The following FOXO3B variants were observed in gnomAD, a reference collection of about 807,000 sequenced individuals.
FOXO3B encodes the protein forkhead box protein O3B.
FOXO3B carries 15 observed loss-of-function variants against 21.9 expected under a neutral mutation model. The ratio of observed to expected loss-of-function variants is 0.68; its 90% confidence interval spans 0.46 to 1.05. The LOEUF (loss-of-function observed/expected upper bound fraction) is 1.05, where lower values mean the gene tolerates loss of function less well. Among genes scored for constraint, FOXO3B ranks in the 50% least tolerant of loss-of-function variants. The pLI is 0.00. For missense variants in FOXO3B, 293 were observed against 435.5 expected, an observed-to-expected ratio of 0.67 and a Z score of 2.91; for synonymous variants, 135 against 213.6, an observed-to-expected ratio of 0.63 and a Z score of 3.21.
chr17:18,680,720 A>T, intron 3 of FOXO3B, 21 bp downstream of exon 3: 1 of 1,613,546 alleles, frequency 6.2e-7, no homozygotes, highest in Non-Finnish European at 8.5e-7. Flanking sequence ...TGTAATTCCA[A>T]TAATCAGCAG....
rs942195640 is a variant in FOXO3B, at chr17:18,668,112, C to T, written c.*4197G>A. On this transcript the variant is annotated 3_prime_UTR_variant, in exon 4 of 4. Transcript: ENST00000395675. ...GGGCTAGTCTCTGGGGCCCTGGCCTCTCTGCAGGTGGCTGAGGGTGAGGGT... is the reference window on the plus strand; with the variant it reads ...GGGCTAGTCTCTGGGGCCCTGGCCTTTCTGCAGGTGGCTGAGGGTGAGGGT... 2 of 152,512 alleles carry T rather than the reference C, an allele frequency of 1.3e-5. No individual in the cohort carries two copies. The highest frequency in any genetic ancestry group is 4.8e-5 in the African/African-American group (2 of 41,444). 9.4% of individuals were successfully genotyped at this position (152,512 alleles called of 1,614,324 possible).
At chr17:18,674,515 A>G (rs1180891833) in intron 3 of FOXO3B, among the ~76,000 whole-genome samples, 2 of 150,110 alleles carry the variant, frequency 1.3e-5, no homozygotes, top group Admixed American at 6.7e-5. Flanking sequence ...AGTCCCAGCT[A>G]CTCAGGAGGC....
At chr17:18,679,300 A>G (rs1490697984) in intron 3 of FOXO3B, among the ~76,000 whole-genome samples, 1 of 152,146 alleles carries the variant, frequency 6.6e-6, no homozygotes, top group African/African-American at 2.4e-5. Context: ...ACAGGCAAGT[A>G]CATAAAGGAA....
At chr17:18,677,598 G>C in intron 3 of FOXO3B, 2 of 1,604,866 alleles carry the variant, frequency 1.2e-6, no homozygotes, top group Non-Finnish European at 1.7e-6. Flanking sequence ...AGCCGGGCGG[G>C]CCCTGGCCAG....
chr17:18,670,843 C>T lies in FOXO3B; in HGVS notation c.*1466G>A, dbSNP rs2032350557. On this transcript the variant is annotated 3_prime_UTR_variant, in exon 4 of 4. Transcript: ENST00000395675. ...GAGCAGATTTGGCAAAGGGTTTTCTCTGTAGGTCTTGTGTCAGTTTGAGGG... is the reference window on the plus strand; with the variant it reads ...GAGCAGATTTGGCAAAGGGTTTTCTTTGTAGGTCTTGTGTCAGTTTGAGGG... 2.6e-6 allele frequency: 4 copies of T among 1,547,184 alleles called. No homozygotes were observed. The highest frequency in any genetic ancestry group is 2.4e-5 in the South Asian group (2 of 82,162).
chr17:18,669,211 C>T lies in FOXO3B; in HGVS notation c.*3098G>A, dbSNP rs970859015. ...TATAAAGCCAAGGCGCACAAGGGGGCCCCTGGTGGCCGGTGGTGTGTGCAG... is the reference window on the plus strand; with the variant it reads ...TATAAAGCCAAGGCGCACAAGGGGGTCCCTGGTGGCCGGTGGTGTGTGCAG... On this transcript the variant is annotated 3_prime_UTR_variant, in exon 4 of 4. Transcript: ENST00000395675. 5.7e-4 allele frequency: 80 copies of T among 139,466 alleles called. No individual in the cohort carries two copies. The highest frequency in any genetic ancestry group is 2.2e-3 in the African/African-American group (77 of 35,666). 8.6% of individuals were successfully genotyped at this position (139,466 alleles called of 1,614,324 possible).
At chr17:18,678,034 G>C (rs191459278) in intron 3 of FOXO3B, among the ~76,000 whole-genome samples, 212 of 150,940 alleles carry the variant, frequency 1.4e-3, no homozygotes, top group African/African-American at 4.8e-3. Context: ...CTTTAGCCTA[G>C]AATCTGCATA....
At position 18,672,729 on chromosome 17, in the gene FOXO3B, G is replaced by A. The variant is rs2032396811; in HGVS notation, c.453C>T (p.Asp151=). 2.0e-6 allele frequency: 3 copies of A among 1,532,662 alleles called. No individual in the cohort carries two copies. The highest frequency in any genetic ancestry group is 2.3e-4 in the Middle Eastern group (1 of 4,318). 94.9% of individuals were successfully genotyped at this position (1,532,662 alleles called of 1,614,324 possible). A position where few individuals can be genotyped will look rare whatever the true frequency, so the allele number is the denominator to read the frequency against. ...MIPEEEDDED[D]EDGGGRAGSA... ...AGCCGGCCCGTCCCCCGCCGTCCTC[G>A]TCGTCTTCATCGTCCTCCTCCTCGG... Residue 151 remains aspartate, a synonymous_variant, in exon 4 of 4, where the codon GAC becomes GAT. Transcript: ENST00000395675. This position sits in a 1 kb window ranked among gnomAD's most constrained non-coding sequence, Gnocchi z 4.2.
chr17:18,668,192 G>A lies in FOXO3B; in HGVS notation c.*4117C>T, dbSNP rs2032302492. The stretch of plus-strand genomic sequence containing the variant: ...GATTCTCAGCTGACCCTCTCCAGGG[G>A]CTGGTGGGTCTCGCAGTACTGATGC... On this transcript the variant is annotated 3_prime_UTR_variant, in exon 4 of 4. Transcript: ENST00000395675. 1 of 152,256 alleles carries A rather than the reference G, an allele frequency of 6.6e-6. No homozygotes were observed. The highest frequency in any genetic ancestry group is 2.4e-5 in the African/African-American group (1 of 41,398). The allele number at this position is 152,256 out of a possible 1,614,324, so 9.4% of individuals were successfully genotyped here.
At chr17:18,680,121 G>A (rs998863323) in intron 3 of FOXO3B, among the ~76,000 whole-genome samples, 1 of 152,196 alleles carries the variant, frequency 6.6e-6, no homozygotes, top group Non-Finnish European at 1.5e-5. Context: ...TTACGGGCAT[G>A]AGCCACCACG....
Position 18,671,755 on chromosome 17 carries a change from G to A in FOXO3B, c.*554C>T. 2.5e-6 allele frequency: 4 copies of A among 1,613,582 alleles called. No individual in the cohort carries two copies. Among genetic ancestry groups the A allele is most frequent in the Non-Finnish European group, 3.4e-6 (4 of 1,179,838 alleles). Reference sequence around the variant, plus strand: ...GATGGCGGGAGCGTGATGTTATCCAGCAGGTCGTCCATGAGGTTTTCAGTC... The same window carrying A: ...GATGGCGGGAGCGTGATGTTATCCAACAGGTCGTCCATGAGGTTTTCAGTC... On this transcript the variant is annotated 3_prime_UTR_variant, in exon 4 of 4. Transcript: ENST00000395675.
At chr17:18,680,925 TACAAAC>T (rs1451990087) in intron 2 of FOXO3B, 96 bp from the exon 3 acceptor site, 3 of 1,265,774 alleles carry the variant, frequency 2.4e-6, no homozygotes, top group Non-Finnish European at 3.3e-6. Context: ...ATGTGCTGCC[TACAAAC>T]ACTGAGACTG....
chr17:18,680,742 TG>T lies in FOXO3B; in HGVS notation c.124del (p.Gln42ArgfsTer100). On this transcript the variant is annotated frameshift_variant and splice_region_variant, in exon 3 of 4. Transcript: ENST00000395675. LOFTEE classifies it high-confidence loss of function. ...VAALRLTARS[Q>X]AAAAAAAPGS... The stretch of plus-strand genomic sequence containing the variant: ...CCAATAATCAGCAGACTCACTCACC[TG>T]GGATCTGGCCGTGAGGCGCAGAGCA... 2 of 1,614,020 alleles carry T rather than the reference TG, an allele frequency of 1.2e-6. No homozygotes were observed. The highest frequency in any genetic ancestry group is 1.7e-6 in the Non-Finnish European group (2 of 1,179,958).
chr17:18,676,621 C>G (rs1020944248), intron 3 of FOXO3B, among the ~76,000 whole-genome samples: 3 of 152,090 alleles, frequency 2.0e-5, no homozygotes, highest in African/African-American at 7.2e-5. Context: ...TACACAAACA[C>G]CGAAATGATT....
At position 18,671,722 on chromosome 17, in the gene FOXO3B, A is replaced by T; in HGVS notation, c.*587T>A. Reference sequence around the variant, plus strand: ...CGCTGCATGAGTCCCCCAGTGGGCGATGGCTGGGATGGCGGGAGCGTGATG... The same window carrying T: ...CGCTGCATGAGTCCCCCAGTGGGCGTTGGCTGGGATGGCGGGAGCGTGATG... On this transcript the variant is annotated 3_prime_UTR_variant, in exon 4 of 4. Coordinates refer to ENST00000395675, the MANE Select transcript of FOXO3B (RefSeq NM_001368135.1). The T allele has an allele frequency of 3.7e-6, 6 of 1,613,754 alleles. No individual in the cohort carries two copies. Among genetic ancestry groups the T allele is most frequent in the Non-Finnish European group, 5.1e-6 (6 of 1,179,952 alleles).
rs2032303545 is a variant in FOXO3B at position 18,668,244 on chromosome 17, C to T, written c.*4065G>A. 1 of 152,192 alleles carries T rather than the reference C, an allele frequency of 6.6e-6. No individual in the cohort carries two copies. Among genetic ancestry groups the T allele is most frequent in the Non-Finnish European group, 1.5e-5 (1 of 68,050 alleles). The allele number at this position is 152,192 out of a possible 1,614,324, so 9.4% of individuals were successfully genotyped here. On this transcript the variant is annotated 3_prime_UTR_variant, in exon 4 of 4. Coordinates refer to ENST00000395675, the MANE Select transcript of FOXO3B (RefSeq NM_001368135.1). ...GCACTTGACTTTACCCTGGTCTCAG[C>T]TCTCCACGACACTCTACATGTAGAT...
intron 3 of FOXO3B, among the ~76,000 whole-genome samples, chr17:18,674,483 G>T (rs2032444780): frequency 6.7e-6 from 1 of 150,362 alleles, no homozygotes. Context: ...AAAATTAGCC[G>T]GGTGTGGTGG....
At chr17:18,678,797 A>G (rs575816584) in intron 3 of FOXO3B, among the ~76,000 whole-genome samples, 2 of 152,252 alleles carry the variant, frequency 1.3e-5, no homozygotes, top group South Asian at 4.2e-4. Context: ...TGTGTAGCTC[A>G]GGTAGTACTG....
At position 18,671,085 on chromosome 17, in the gene FOXO3B, TC is replaced by T; in HGVS notation, c.*1223del. 1 of 964,928 alleles carries T rather than the reference TC, an allele frequency of 1.0e-6. No homozygotes were observed. Among genetic ancestry groups the T allele is most frequent in the Non-Finnish European group, 1.6e-6 (1 of 609,854 alleles). The allele number at this position is 964,928 out of a possible 1,614,324, so 59.8% of individuals were successfully genotyped here. A position where few individuals can be genotyped will look rare whatever the true frequency, so the allele number is the denominator to read the frequency against. ...ACATTCCAAGCTCCCATTGAACATGTCCAGGTCCAAGTCGCTGGGGAACTTC... is the reference window on the plus strand; with the variant it reads ...ACATTCCAAGCTCCCATTGAACATGTCAGGTCCAAGTCGCTGGGGAACTTC... On this transcript the variant is annotated 3_prime_UTR_variant, in exon 4 of 4. Coordinates refer to ENST00000395675, the MANE Select transcript of FOXO3B (RefSeq NM_001368135.1).
Sources: allele counts gnomAD v4.1 joint callset (sites outside exome capture counted in the v4.1 genomes callset), GRCh38; gene constraint gnomAD v4.1.1; non-coding constraint Gnocchi (gnomAD v3.1); transcripts MANE v1.5; gene names NCBI Gene and HGNC (gene_info 2026-07-23, HGNC 2026-07-21).